Variants in ATP8B1 observed in about 807,000 individuals in gnomAD.
The protein encoded by ATP8B1 is phospholipid-transporting ATPase IC.
A neutral mutation model predicts 149.9 loss-of-function variants in ATP8B1; 80 were observed. The observed-to-expected ratio is 0.53, with a 90% CI of 0.45 to 0.64. The LOEUF is 0.64. ATP8B1 is among the 30% of genes least tolerant of loss of function. The pLI is 0.00. For missense variants in ATP8B1, 1,247 were observed against 1,552.6 expected (o/e 0.80, Z 3.31); for synonymous variants, 536 against 562.8 (o/e 0.95, Z 0.67).
intron 1 of ATP8B1, among the ~76,000 whole-genome samples, chr18:57,768,406 A>AG (rs1555655188): frequency 2.2e-4 from 26 of 119,990 alleles, no homozygotes; most frequent in South Asian, 2.7e-4. Flanking sequence ...AAAAAAAAAA[A>AG]AAAAGAAAAG....
intron 21 of ATP8B1, among the ~76,000 whole-genome samples, 168 bp downstream of exon 21, chr18:57,662,315 C>A (rs1388020808): frequency 6.6e-6 from 1 of 152,136 alleles, no homozygotes; most frequent in African/African-American, 2.4e-5. Context: ...GGTATACATC[C>A]TTTCATATAT....
rs370899621 is a variant in ATP8B1 at position 57,689,410 on chromosome 18, C to A, written c.1221-903G>T. ...AAATAAGATATTATAAAAGGATCATCTGAATTTTAAAACTATAAGGGACAT... is the reference window on the plus strand; with the variant it reads ...AAATAAGATATTATAAAAGGATCATATGAATTTTAAAACTATAAGGGACAT... On this transcript the variant is annotated intron_variant, in intron 12 of 27. Transcript: ENST00000648908. Among the ~76,000 whole-genome samples the A allele has an allele frequency of 2.2e-3, 337 of 152,300 alleles. 2 individuals carry two copies. Among genetic ancestry groups the A allele is most frequent in the African/African-American group, 7.7e-3 (320 of 41,562 alleles).
intron 1 of ATP8B1, among the ~76,000 whole-genome samples, chr18:57,747,650 G>T (rs901515545): frequency 3.9e-5 from 6 of 152,128 alleles, no homozygotes; most frequent in Admixed American, 6.6e-5. Context: ...AGACACTAAG[G>T]TGATTGGCAC....
intron 25 of ATP8B1, 93 bp downstream of exon 25, chr18:57,652,391 A>G: frequency 6.5e-7 from 1 of 1,546,486 alleles, no homozygotes; most frequent in Non-Finnish European, 8.9e-7. Context: ...GCACAGGTGC[A>G]GTGGGAGTCA....
At position 57,688,370 on chromosome 18, in the gene ATP8B1, G is replaced by T; in HGVS notation, c.1358C>A (p.Ser453Tyr). The change falls in exon 13 of 28, where the codon TCT becomes TAT. Residue 453 changes from serine to tyrosine, a missense_variant. Ser to Tyr is a moderately radical substitution (Grantham distance 144). Coordinates refer to ENST00000648908, the MANE Select transcript of ATP8B1 (RefSeq NM_001374385.1). ...TTGTGTGAGTGTCCCCGTCTTATCA[G>T]AGAAGATATAATGGATCTGCCCGAG... ...EQLGQIHYIF[S>Y]DKTGTLTQNI... 1 of 1,614,178 alleles carries T rather than the reference G, an allele frequency of 6.2e-7. No individual in the cohort carries two copies. Among genetic ancestry groups the T allele is most frequent in the Non-Finnish European group, 8.5e-7 (1 of 1,180,038 alleles).
chr18:57,713,083 A>G (rs964090967), intron 2 of ATP8B1, among the ~76,000 whole-genome samples: 2 of 152,022 alleles, frequency 1.3e-5, no homozygotes, highest in Non-Finnish European at 2.9e-5. Flanking sequence ...TGTGGTGGCC[A>G]TGGTGAGAGA....
intron 15 of ATP8B1, among the ~76,000 whole-genome samples, chr18:57,679,056 T>C (rs2938363): frequency 0.91 from 129,708 of 143,086 alleles, 59,432 homozygotes; most frequent in Non-Finnish European, 0.97. Flanking sequence ...GGTGAAACCC[T>C]GTCTCTACTA....
intron 24 of ATP8B1, among the ~76,000 whole-genome samples, chr18:57,653,241 G>A (rs1467731011): frequency 1.3e-5 from 2 of 150,430 alleles, no homozygotes; most frequent in Non-Finnish European, 3.0e-5. Flanking sequence ...TTATTGTGGA[G>A]ACATATTGGA....
chr18:57,716,472 T>G (rs1187656899), intron 2 of ATP8B1, among the ~76,000 whole-genome samples: 1 of 149,856 alleles, frequency 6.7e-6, no homozygotes, highest in Non-Finnish European at 1.5e-5. Flanking sequence ...CCACCTGGAC[T>G]GAAAATGAAG....
chr18:57,698,414 G>A (rs1349216438), intron 6 of ATP8B1, among the ~76,000 whole-genome samples: 3 of 152,056 alleles, frequency 2.0e-5, no homozygotes, highest in African/African-American at 7.3e-5. Flanking sequence ...CACGATCTCA[G>A]CTCACTGCAA....
At chr18:57,775,180 G>T (rs1439700788) in intron 1 of ATP8B1, among the ~76,000 whole-genome samples, 1 of 152,148 alleles carries the variant, frequency 6.6e-6, no homozygotes, top group Non-Finnish European at 1.5e-5. Context: ...AGTTGGGCGT[G>T]GTGGCATGTG....
At chr18:57,763,465 A>G (rs549867247) in intron 1 of ATP8B1, among the ~76,000 whole-genome samples, 2 of 152,342 alleles carry the variant, frequency 1.3e-5, no homozygotes, top group South Asian at 4.1e-4. Context: ...ACGAGAGGTA[A>G]CATTTCAACA....
At chr18:57,713,196 T>TTTCCTTCCTTCCTTCC (rs71171072) in intron 2 of ATP8B1, among the ~76,000 whole-genome samples, 10 of 89,872 alleles carry the variant, frequency 1.1e-4, no homozygotes, top group Non-Finnish European at 4.9e-5. Flanking sequence ...TCTTTCTTTC[T>TTTCCTTCCTTCCTTCC]TTCCTTCCTT....
intron 15 of ATP8B1, among the ~76,000 whole-genome samples, chr18:57,681,246 G>A (rs639769): frequency 0.33 from 47,771 of 144,968 alleles, 8,128 homozygotes; most frequent in East Asian, 0.65. Context: ...GGAGTGGAGG[G>A]CAACCCAGTT....
intron 8 of ATP8B1, among the ~76,000 whole-genome samples, chr18:57,696,853 C>T (rs761406304): frequency 5.9e-5 from 9 of 152,176 alleles, no homozygotes; most frequent in Non-Finnish European, 1.2e-4. Flanking sequence ...CCGGCAACCT[C>T]GTGAGCACTC....
intron 22 of ATP8B1, among the ~76,000 whole-genome samples, chr18:57,655,933 C>G (rs1333516629): frequency 6.6e-6 from 1 of 152,184 alleles, no homozygotes; most frequent in Non-Finnish European, 1.5e-5. Flanking sequence ...GAATTAGGTT[C>G]CACTGTTTAG....
intron 16 of ATP8B1, among the ~76,000 whole-genome samples, chr18:57,673,124 A>G (rs1476159236): frequency 1.3e-5 from 2 of 150,680 alleles, no homozygotes; most frequent in Admixed American, 6.7e-5. Context: ...CCTGCCAACA[A>G]TGTGTAACCT....
At chr18:57,679,781 C>T (rs1911835723) in intron 15 of ATP8B1, among the ~76,000 whole-genome samples, 1 of 152,134 alleles carries the variant, frequency 6.6e-6, no homozygotes, top group Admixed American at 6.5e-5. Flanking sequence ...TCTCCTGTCT[C>T]AGCCTCCCAA....
rs546154170 is a variant in ATP8B1 at position 57,732,751 on chromosome 18, C to T, written c.-25-919G>A. ...CTAATTTTTGTATTTTTAGTAGAGA[C>T]GGGGTTTCACTGTGTTAGCCAGGAT... On this transcript the variant is annotated intron_variant, in intron 1 of 27. Transcript: ENST00000648908. Among the ~76,000 whole-genome samples the T allele has an allele frequency of 8.0e-4, 122 of 151,848 alleles. 3 individuals carry two copies. The South Asian group carries it at 0.024, about 29-fold the overall frequency.
Sources: gnomAD v4.1 joint callset for allele counts (sites outside exome capture counted in the v4.1 genomes callset) on GRCh38, gnomAD v4.1.1 for gene constraint, MANE v1.5 for transcripts, NCBI Gene and HGNC (gene_info 2026-07-23, HGNC 2026-07-21) for gene names.